Variants in AGBL4 observed in about 807,000 individuals in gnomAD.
AGBL4 encodes AGBL carboxypeptidase 4.
AGBL4 carries 58 observed loss-of-function variants against 66.4 expected under a neutral mutation model. That is an observed-to-expected ratio of 0.87 (90% CI 0.71 to 1.09). The LOEUF (loss-of-function observed/expected upper bound fraction) is 1.09. Among genes scored for constraint, AGBL4 ranks in the 50% least tolerant of loss-of-function variants. The pLI, the probability that AGBL4 is intolerant of heterozygous loss-of-function variation, is 0.00. For missense variants in AGBL4, 579 were observed against 631.0 expected (o/e 0.92, Z 0.88); for synonymous variants, 234 against 222.9 (o/e 1.05, Z -0.44).
intron 3 of AGBL4, among the ~76,000 whole-genome samples, chr1:49,265,790 T>C (rs1643906370): frequency 6.6e-6 from 1 of 152,208 alleles, no homozygotes; most frequent in Non-Finnish European, 1.5e-5. Flanking sequence ...ATATGTTTCC[T>C]ATATATGTGT....
At chr1:49,264,792 G>T (rs1451075236) in intron 3 of AGBL4, among the ~76,000 whole-genome samples, 1 of 152,154 alleles carries the variant, frequency 6.6e-6, no homozygotes, top group African/African-American at 2.4e-5. Context: ...CAATCCGCCT[G>T]CCTTGGCCTC....
rs183416311 is a variant in AGBL4, at chr1:49,495,061, C to T, written c.282+202252G>A. 9.3e-4 allele frequency among the ~76,000 whole-genome samples: 141 copies of T among 152,096 alleles called. 2 individuals carry two copies. Among genetic ancestry groups the T allele is most frequent in the Admixed American group, 9.1e-3 (139 of 15,262 alleles). On this transcript the variant is annotated intron_variant, in intron 3 of 13. Transcript: ENST00000371839. ...TACTTAATTAGAGTTCTATTGTCTCCTCAATATCCACATTCTCAGAAGCCA... is the reference window on the plus strand; with the variant it reads ...TACTTAATTAGAGTTCTATTGTCTCTTCAATATCCACATTCTCAGAAGCCA...
rs181454964 is a variant in AGBL4, at chr1:49,481,826, T to C, written c.282+215487A>G. Among the ~76,000 whole-genome samples, 225 of 151,946 alleles carry C rather than the reference T, an allele frequency of 1.5e-3. 1 individual carries two copies. Among genetic ancestry groups the C allele is most frequent in the African/African-American group, 5.1e-3 (210 of 41,492 alleles). ...CAATACCTAGTTTATTGAGAGTTTT[T>C]AACATAAAGAGATGTGAAATTTTAT... On this transcript the variant is annotated intron_variant, in intron 3 of 13. Transcript: ENST00000371839.
intron 4 of AGBL4, among the ~76,000 whole-genome samples, chr1:49,169,214 T>C (rs1646687906): frequency 6.6e-6 from 1 of 152,072 alleles, no homozygotes; most frequent in African/African-American, 2.4e-5. Flanking sequence ...AGTGTCACAG[T>C]TGTAGGAAGG....
intron 3 of AGBL4, among the ~76,000 whole-genome samples, chr1:49,679,335 C>G (rs901980835): frequency 1.3e-5 from 2 of 151,892 alleles, no homozygotes; most frequent in Admixed American, 6.6e-5. Context: ...ATTTGATATG[C>G]ATATATATAC....
chr1:48,967,589 T>C (rs921920065), intron 5 of AGBL4, among the ~76,000 whole-genome samples: 4 of 152,152 alleles, frequency 2.6e-5, no homozygotes, highest in Admixed American at 6.6e-5. Context: ...TAGCAGAAGC[T>C]GAATAACAAA....
At chr1:49,923,745 A>G (rs1306240293) in intron 1 of AGBL4, among the ~76,000 whole-genome samples, 1 of 152,248 alleles carries the variant, frequency 6.6e-6, no homozygotes, top group Non-Finnish European at 1.5e-5. Flanking sequence ...GGAAAAATGC[A>G]AATCAAAACC....
At chr1:48,887,623 A>G (rs1036513320) in intron 5 of AGBL4, among the ~76,000 whole-genome samples, 8 of 152,166 alleles carry the variant, frequency 5.3e-5, no homozygotes, top group African/African-American at 1.9e-4. Context: ...GCAATGAGGC[A>G]GAGTCAGTAT....
At chr1:48,835,983 G>T (rs1646661470) in intron 6 of AGBL4, among the ~76,000 whole-genome samples, 1 of 152,094 alleles carries the variant, frequency 6.6e-6, no homozygotes, top group African/African-American at 2.4e-5. Flanking sequence ...TAAGCCAGTG[G>T]AGATGGAAAA....
intron 6 of AGBL4, among the ~76,000 whole-genome samples, chr1:48,708,797 G>A (rs1646918837): frequency 6.6e-6 from 1 of 152,220 alleles, no homozygotes; most frequent in African/African-American, 2.4e-5. Flanking sequence ...TCTGGTGCCA[G>A]TGACTTTTCC....
intron 3 of AGBL4, among the ~76,000 whole-genome samples, chr1:49,435,352 C>T (rs545137580): frequency 2.0e-5 from 3 of 152,184 alleles, no homozygotes; most frequent in South Asian, 4.1e-4. Flanking sequence ...TCTCCTCTAA[C>T]CAGTAGATAA....
chr1:49,921,638 G>A (rs2148241195), intron 1 of AGBL4, among the ~76,000 whole-genome samples: 1 of 152,258 alleles, frequency 6.6e-6, no homozygotes, highest in South Asian at 2.1e-4. Context: ...TGTGGCTGAA[G>A]GCCAGAGAGC....
At chr1:49,262,907 A>G (rs1429345819) in intron 3 of AGBL4, among the ~76,000 whole-genome samples, 2 of 152,208 alleles carry the variant, frequency 1.3e-5, no homozygotes, top group Non-Finnish European at 2.9e-5. Context: ...AAGCAACCCA[A>G]ATGTCCAACA....
chr1:49,631,726 C>A (rs1645572966), intron 3 of AGBL4, among the ~76,000 whole-genome samples: 1 of 152,116 alleles, frequency 6.6e-6, no homozygotes, highest in African/African-American at 2.4e-5. Flanking sequence ...GACCTTCAGA[C>A]CACAAAGCAC....
At chr1:49,557,343 C>T (rs1177086935) in intron 3 of AGBL4, among the ~76,000 whole-genome samples, 2 of 152,114 alleles carry the variant, frequency 1.3e-5, no homozygotes, top group East Asian at 3.9e-4. Context: ...CCTCATAGTA[C>T]CTGGTTTTAA....
chr1:48,845,995 T>A (rs547740738), intron 6 of AGBL4, among the ~76,000 whole-genome samples: 2 of 152,256 alleles, frequency 1.3e-5, no homozygotes, highest in Non-Finnish European at 2.9e-5. Context: ...TCTGGTCTAG[T>A]GGAGGCCAAT....
chr1:49,722,015 T>C (rs1257868838), intron 2 of AGBL4, among the ~76,000 whole-genome samples: 3 of 152,184 alleles, frequency 2.0e-5, no homozygotes, highest in African/African-American at 7.2e-5. Context: ...AAGCAAAGGT[T>C]ACAACCAGAG....
At chr1:48,879,623 A>G (rs72893709) in intron 5 of AGBL4, among the ~76,000 whole-genome samples, 2,231 of 152,264 alleles carry the variant, frequency 0.015, 48 homozygotes, top group African/African-American at 0.049. Context: ...AAAGCTCATT[A>G]AGATATAAAA....
chr1:49,323,052 C>T (rs1255724067), intron 3 of AGBL4, among the ~76,000 whole-genome samples: 1 of 152,084 alleles, frequency 6.6e-6, no homozygotes, highest in Non-Finnish European at 1.5e-5. Context: ...CAGTTTGTTG[C>T]ATAATTTTAT....
Sources: gnomAD v4.1 joint callset for allele counts (sites outside exome capture counted in the v4.1 genomes callset) on GRCh38, gnomAD v4.1.1 for gene constraint, MANE v1.5 for transcripts, NCBI Gene and HGNC (gene_info 2026-07-23, HGNC 2026-07-21) for gene names.